The following ZFPM2 variants were observed in gnomAD, a reference collection of about 807,000 sequenced individuals.
ZFPM2 encodes the protein zinc finger protein ZFPM2.
In ZFPM2, 20 loss-of-function variants were observed where a neutral mutation model predicts 98.6. That is an observed-to-expected ratio of 0.20 (90% CI 0.14 to 0.29). The LOEUF (loss-of-function observed/expected upper bound fraction) is 0.29, where lower values mean the gene tolerates loss of function less well. Among genes scored for constraint, ZFPM2 ranks in the 10% least tolerant of loss-of-function variants. The pLI is 1.00. For missense variants in ZFPM2, 1,310 were observed against 1,388.6 expected (o/e 0.94, Z 0.90); for synonymous variants, 518 against 502.7 (o/e 1.03, Z -0.41).
chr8:105,617,019 C>CAAAAAAA (rs1816430482), intron 4 of ZFPM2, among the ~76,000 whole-genome samples: 1 of 15,774 alleles, frequency 6.3e-5, no homozygotes, highest in Non-Finnish European at 1.1e-4. Context: ...GACTCTGTCT[C>CAAAAAAA]GAAAAAAAAA....
intron 1 of ZFPM2, among the ~76,000 whole-genome samples, chr8:105,357,653 GA>G (rs1812774274): frequency 6.6e-6 from 1 of 151,544 alleles, no homozygotes; most frequent in Non-Finnish European, 1.5e-5. Context: ...TTGCCACTTA[GA>G]AAAAAATGTA....
At chr8:105,703,057 G>GC (rs934344217) in intron 5 of ZFPM2, among the ~76,000 whole-genome samples, 10 of 152,122 alleles carry the variant, frequency 6.6e-5, no homozygotes, top group Admixed American at 1.3e-4. Context: ...CTCCTTTCCT[G>GC]CCCCCCGCCC....
intron 3 of ZFPM2, among the ~76,000 whole-genome samples, chr8:105,446,317 A>G (rs1033870803): frequency 3.9e-5 from 6 of 152,190 alleles, no homozygotes; most frequent in Non-Finnish European, 5.9e-5. Flanking sequence ...CCTGCTTGCG[A>G]AAAGGTACAT....
intron 2 of ZFPM2, among the ~76,000 whole-genome samples, chr8:105,437,454 A>G (rs1396733575): frequency 6.6e-6 from 1 of 151,818 alleles, no homozygotes; most frequent in African/African-American, 2.4e-5. Flanking sequence ...TTGTTCAATC[A>G]ACCCCTTAAT....
intron 1 of ZFPM2, among the ~76,000 whole-genome samples, chr8:105,338,627 T>G (rs1423488010): frequency 2.6e-5 from 4 of 151,872 alleles, no homozygotes; most frequent in Non-Finnish European, 5.9e-5. Flanking sequence ...GAGAAAAATA[T>G]GTAACCTTTT....
intron 4 of ZFPM2, among the ~76,000 whole-genome samples, chr8:105,588,932 G>A (rs1353187347): frequency 1.3e-5 from 2 of 152,206 alleles, no homozygotes; most frequent in East Asian, 1.9e-4. Context: ...GTCACAAACC[G>A]AAGTCAGAGG....
intron 7 of ZFPM2, among the ~76,000 whole-genome samples, chr8:105,800,338 C>G (rs1813963951): frequency 6.6e-6 from 1 of 151,934 alleles, no homozygotes. Context: ...TGGTAATATT[C>G]AAAATATTTA....
intron 5 of ZFPM2, among the ~76,000 whole-genome samples, chr8:105,677,615 G>C (rs1235804862): frequency 1.3e-5 from 2 of 150,284 alleles, no homozygotes; most frequent in Non-Finnish European, 3.0e-5. Flanking sequence ...GAGGTACCTT[G>C]AATGTGAACA....
chr8:105,767,885 T>A (rs1812891046), intron 5 of ZFPM2, among the ~76,000 whole-genome samples: 1 of 152,038 alleles, frequency 6.6e-6, no homozygotes, highest in South Asian at 2.1e-4. Context: ...GAAAAAACCC[T>A]ATTTTTTCCT....
intron 5 of ZFPM2, among the ~76,000 whole-genome samples, chr8:105,761,763 G>T (rs747843317): frequency 1.3e-5 from 2 of 151,914 alleles, no homozygotes; most frequent in African/African-American, 4.8e-5. Context: ...TGGAAAGAAG[G>T]CTGCTTTACA....
At chr8:105,486,268 T>G (rs1813228851) in intron 3 of ZFPM2, among the ~76,000 whole-genome samples, 2 of 152,146 alleles carry the variant, frequency 1.3e-5, no homozygotes, top group South Asian at 4.1e-4. Flanking sequence ...GATGCGTGAC[T>G]TTTCTTAATA....
At chr8:105,375,293 G>A (rs1170353336) in intron 1 of ZFPM2, among the ~76,000 whole-genome samples, 1 of 152,146 alleles carries the variant, frequency 6.6e-6, no homozygotes, top group Non-Finnish European at 1.5e-5. Context: ...GATGGAAAGA[G>A]CCCTAAGACT....
intron 3 of ZFPM2, among the ~76,000 whole-genome samples, chr8:105,509,611 C>T (rs1813773696): frequency 6.6e-6 from 1 of 152,088 alleles, no homozygotes; most frequent in East Asian, 1.9e-4. Context: ...AATAATGTTA[C>T]ATCTTAATAG....
At chr8:105,702,003 A>G (rs2130958484) in intron 5 of ZFPM2, among the ~76,000 whole-genome samples, 1 of 152,312 alleles carries the variant, frequency 6.6e-6, no homozygotes, top group South Asian at 2.1e-4. Flanking sequence ...TAATTAAAAC[A>G]TCTTGGATTG....
At chr8:105,727,347 G>A (rs1416442538) in intron 5 of ZFPM2, among the ~76,000 whole-genome samples, 1 of 151,246 alleles carries the variant, frequency 6.6e-6, no homozygotes, top group Non-Finnish European at 1.5e-5. Flanking sequence ...TCTCTATACA[G>A]ACATAGATAA....
intron 4 of ZFPM2, among the ~76,000 whole-genome samples, chr8:105,606,415 G>T (rs1284036866): frequency 2.0e-5 from 3 of 151,998 alleles, no homozygotes; most frequent in Non-Finnish European, 4.4e-5. Context: ...GGGCACTGGA[G>T]TTGAAATGCT....
At chr8:105,761,828 G>A (rs1460013669) in intron 5 of ZFPM2, among the ~76,000 whole-genome samples, 5 of 151,824 alleles carry the variant, frequency 3.3e-5, no homozygotes, top group Admixed American at 3.3e-4. Context: ...TAAAACAATA[G>A]TCTCAAAAAT....
At chr8:105,629,314 C>T (rs1454154450) in intron 4 of ZFPM2, among the ~76,000 whole-genome samples, 1 of 152,186 alleles carries the variant, frequency 6.6e-6, no homozygotes, top group African/African-American at 2.4e-5. Flanking sequence ...GGGAAATATC[C>T]TGCTTCATAA....
rs1814077106 is a variant in ZFPM2, at chr8:105,802,818, C to T, written c.2736C>T (p.Ser912=). 6.2e-7 allele frequency: 1 copy of T among 1,613,586 alleles called. No homozygotes were observed. The highest frequency in any genetic ancestry group is 2.2e-5 in the East Asian group (1 of 44,832). ...GCCCTGATGTCAGCTACGAAAGAAG[C>T]ATAATAAAATGTGAGAAAAATGGGA... ...RNSPDVSYER[S]IIKCEKNGNL... is the part of the protein sequence containing the mutation. Residue 912 remains serine, a synonymous_variant, in exon 8 of 8, where the codon AGC becomes AGT. Coordinates refer to ENST00000407775, the MANE Select transcript of ZFPM2 (RefSeq NM_012082.4).
Sources: allele counts gnomAD v4.1 joint callset (sites outside exome capture counted in the v4.1 genomes callset), GRCh38; gene constraint gnomAD v4.1.1; transcripts MANE v1.5; gene names NCBI Gene and HGNC (gene_info 2026-07-23, HGNC 2026-07-21).